ZNF346: variants seen among roughly 807,000 people sequenced by gnomAD.
ZNF346 encodes double-stranded RNA-binding zinc finger protein JAZ.
A neutral mutation model predicts 33.7 loss-of-function variants in ZNF346; 23 were observed. The ratio of observed to expected loss-of-function variants is 0.68; its 90% CI spans 0.49 to 0.97. ZNF346 has a LOEUF of 0.97. Among genes scored for constraint, ZNF346 ranks in the 50% least tolerant of loss-of-function variants. ZNF346 has a pLI of 0.00. For missense variants in ZNF346, 340 were observed against 371.1 expected, an observed-to-expected ratio of 0.92 and a Z score of 0.69; for synonymous variants, 134 against 142.4, an observed-to-expected ratio of 0.94 and a Z score of 0.42.
intron 4 of ZNF346, among the ~76,000 whole-genome samples, chr5:177,050,414 C>A (rs966223209): frequency 6.6e-6 from 1 of 152,242 alleles, no homozygotes; most frequent in Admixed American, 6.5e-5. Context: ...TCTATTGTAA[C>A]TTGGCAGCCT....
Position 177,044,400 on chromosome 5 carries a change from A to G in ZNF346, c.384A>G (p.Arg128=). ...TTTCTTCCAACCAGAAGAGCAGCAG[A>G]AGCAAAGACAAGAACCAGTGCTGCC... is the stretch of plus-strand genomic sequence containing the variant. The part of the protein sequence containing the change: ...KKLDSDQKSS[R]SKDKNQCCPI... Residue 128 remains arginine (R), a synonymous_variant, in exon 4 of 7, where the codon AGA becomes AGG. Transcript: ENST00000358149. 4 of 1,614,068 alleles carry G rather than the reference A, an allele frequency of 2.5e-6. No individual in the cohort carries two copies. The highest frequency in any genetic ancestry group is 2.5e-6 in the Non-Finnish European group (3 of 1,180,020).
intron 5 of ZNF346, among the ~76,000 whole-genome samples, chr5:177,056,439 A>G (rs1445621084): frequency 6.6e-6 from 1 of 152,226 alleles, no homozygotes; most frequent in African/African-American, 2.4e-5. Flanking sequence ...CCAAAGGATT[A>G]TAAATCATAC....
chr5:177,055,553 T>C (rs944818141), intron 5 of ZNF346, among the ~76,000 whole-genome samples: 1 of 152,218 alleles, frequency 6.6e-6, no homozygotes, highest in African/African-American at 2.4e-5. Context: ...GATCTGTTTC[T>C]GATTTCTTAA....
At chr5:177,046,990 T>TG (rs1780126421) in intron 4 of ZNF346, among the ~76,000 whole-genome samples, 1 of 151,986 alleles carries the variant, frequency 6.6e-6, no homozygotes, top group Admixed American at 6.6e-5. Flanking sequence ...TATGCACATA[T>TG]GGATTACACG....
At chr5:177,048,080 A>AC (rs541455548) in intron 4 of ZNF346, among the ~76,000 whole-genome samples, 41 of 151,166 alleles carry the variant, frequency 2.7e-4, no homozygotes, top group Non-Finnish European at 4.7e-4. Flanking sequence ...TAATCTCCCC[A>AC]CCCCCCACTT....
chr5:177,031,968 C>A (rs1777763957), intron 1 of ZNF346, among the ~76,000 whole-genome samples: 2 of 143,536 alleles, frequency 1.4e-5, no homozygotes, highest in Admixed American at 6.9e-5. Context: ...AGTACCCTTA[C>A]ATTTGCTTTC....
At chr5:177,069,523 G>A (rs1322033677), downstream of ZNF346, among the ~76,000 whole-genome samples, 2 of 150,990 alleles carry the variant, frequency 1.3e-5, no homozygotes, top group East Asian at 3.9e-4. Flanking sequence ...GCACAATTTA[G>A]CCATCCTACT....
At chr5:177,040,992 A>G (rs1779264504) in intron 1 of ZNF346, 134 bp from the exon 2 acceptor site, 1 of 682,852 alleles carries the variant, frequency 1.5e-6, no homozygotes, top group African/African-American at 1.8e-5. Context: ...GCAGTAGGAA[A>G]GGCTGGCTGA....
intron 5 of ZNF346, among the ~76,000 whole-genome samples, chr5:177,061,038 G>T (rs928201036): frequency 7.9e-5 from 12 of 152,100 alleles, no homozygotes; most frequent in Non-Finnish European, 1.0e-4. Context: ...CGTGAACCCG[G>T]GAGGCGGAGC....
chr5:177,028,496 TTATATATA>T lies in ZNF346; in HGVS notation c.175+5601_175+5608del, dbSNP rs150044807. ...TTCTCTCTTAAGCACTTGTGACGTT[TTATATATA>T]TATATATATATATATATTTCCCTCC... On this transcript the variant is annotated intron_variant, in intron 1 of 6. Coordinates refer to ENST00000358149, the MANE Select transcript of ZNF346 (RefSeq NM_012279.4). 5.5e-5 allele frequency among the ~76,000 whole-genome samples: 5 copies of T among 90,514 alleles called. No homozygotes were observed. The South Asian group carries it at 1.1e-3, about 19-fold the overall frequency. 59.4% of individuals were successfully genotyped at this position (90,514 alleles called of 152,430 possible).
chr5:177,025,697 C>T (rs993969569), intron 1 of ZNF346, among the ~76,000 whole-genome samples: 1 of 152,064 alleles, frequency 6.6e-6, no homozygotes, highest in African/African-American at 2.4e-5. Context: ...CTATTCACAT[C>T]ATTTGCCTAT....
At chr5:177,058,187 A>C (rs992871994) in intron 5 of ZNF346, among the ~76,000 whole-genome samples, 1 of 151,734 alleles carries the variant, frequency 6.6e-6, no homozygotes, top group African/African-American at 2.4e-5. Flanking sequence ...TTTCAAAAAA[A>C]AAAATAGCTG....
chr5:177,042,069 T>A, intron 3 of ZNF346, 199 bp downstream of exon 3: 1 of 475,158 alleles, frequency 2.1e-6, no homozygotes, highest in Non-Finnish European at 3.8e-6. Context: ...TCAGGATTTT[T>A]TAGAACTAAA....
At chr5:177,075,091 A>T (rs969865153) in intron 8 of ZNF346, among the ~76,000 whole-genome samples, 1 of 151,434 alleles carries the variant, frequency 6.6e-6, no homozygotes, top group Non-Finnish European at 1.5e-5. Context: ...AATTTTTTTT[A>T]AATAAAAATA....
rs1783091355 is a variant in ZNF346, at chr5:177,065,672, G to A, written c.*1073G>A. 1 of 152,484 alleles carries A rather than the reference G, an allele frequency of 6.6e-6. No individual in the cohort carries two copies. The highest frequency in any genetic ancestry group is 1.5e-5 in the Non-Finnish European group (1 of 68,020). 9.4% of individuals were successfully genotyped at this position (152,484 alleles called of 1,614,324 possible). ...TTCTCTATCTTTGCTGTGTTTTATG[G>A]CCTGGGACTGAGTCCACACGGATAG... is the stretch of plus-strand genomic sequence containing the variant. On this transcript the variant is annotated 3_prime_UTR_variant, in exon 7 of 7. Transcript: ENST00000358149.
chr5:177,061,205 G>A (rs930849188), intron 5 of ZNF346, among the ~76,000 whole-genome samples: 9 of 152,142 alleles, frequency 5.9e-5, no homozygotes, highest in African/African-American at 2.2e-4. Context: ...CCAGCGCTTT[G>A]GGAGGCCTAG....
intron 3 of ZNF346, 115 bp downstream of exon 3, chr5:177,041,985 C>G: frequency 1.6e-6 from 1 of 611,732 alleles, no homozygotes; most frequent in African/African-American, 1.8e-5. Flanking sequence ...TTGTGTGACT[C>G]GGGCAAGTCT....
intron 5 of ZNF346, among the ~76,000 whole-genome samples, chr5:177,053,147 C>A (rs777038403): frequency 5.9e-5 from 9 of 151,920 alleles, no homozygotes; most frequent in Non-Finnish European, 1.2e-4. Flanking sequence ...GAAACCCAGT[C>A]TCTACTGAAA....
exon 9 of ZNF346, chr5:177,081,152 T>C (rs56380905): frequency 3.3e-5 from 5 of 151,122 alleles, no homozygotes; most frequent in Admixed American, 6.6e-5. Context: ...TGTGTACTTT[T>C]TCTGTATTTT....
Sources: gnomAD v4.1 joint callset for allele counts (sites outside exome capture counted in the v4.1 genomes callset) on GRCh38, gnomAD v4.1.1 for gene constraint, MANE v1.5 for transcripts, NCBI Gene and HGNC (gene_info 2026-07-23, HGNC 2026-07-21) for gene names.